Variants in ATP6V0A4 observed in about 807,000 individuals in gnomAD.
ATP6V0A4 encodes V-type proton ATPase 116 kDa subunit a 4.
In ATP6V0A4, 86 loss-of-function variants were observed where a neutral mutation model predicts 107.3. The ratio of observed to expected loss-of-function variants is 0.80; its 90% confidence interval spans 0.67 to 0.96. ATP6V0A4 has a LOEUF of 0.96. ATP6V0A4 is among the 40% of genes least tolerant of loss of function. The pLI is 0.00. For missense variants in ATP6V0A4, 908 were observed against 1,045.6 expected (o/e 0.87, Z 1.81); for synonymous variants, 353 against 381.4 (o/e 0.93, Z 0.87).
intron 6 of ATP6V0A4, 28 bp downstream of exon 6, chr7:138,762,872 C>G (rs1179620850): frequency 6.2e-7 from 1 of 1,612,546 alleles, no homozygotes; most frequent in African/African-American, 1.3e-5. Context: ...GGAACGGGCC[C>G]TTTAGTAACT....
At chr7:138,752,332 T>C (rs919954750) in intron 11 of ATP6V0A4, among the ~76,000 whole-genome samples, 3 of 150,616 alleles carry the variant, frequency 2.0e-5, no homozygotes, top group Admixed American at 1.3e-4. Context: ...ACTGTGCCAC[T>C]GCACAACAGC....
chr7:138,750,263 C>T (rs1418143266), intron 11 of ATP6V0A4, among the ~76,000 whole-genome samples: 1 of 151,292 alleles, frequency 6.6e-6, no homozygotes, highest in Admixed American at 6.6e-5. Context: ...TTTTCTTTTT[C>T]TTTTTTTTTC....
chr7:138,792,971 A>C (rs975555206), intron 1 of ATP6V0A4, among the ~76,000 whole-genome samples: 1 of 152,084 alleles, frequency 6.6e-6, no homozygotes, highest in African/African-American at 2.4e-5. Context: ...TATCAGACAA[A>C]GTAAAGTTTA....
chr7:138,757,059 C>T (rs1440583598), intron 8 of ATP6V0A4, among the ~76,000 whole-genome samples: 1 of 152,174 alleles, frequency 6.6e-6, no homozygotes, highest in Non-Finnish European at 1.5e-5. Flanking sequence ...AAGACTGCTG[C>T]TTAAATCACA....
chr7:138,780,277 G>T (rs924045296), intron 2 of ATP6V0A4, among the ~76,000 whole-genome samples: 1 of 152,162 alleles, frequency 6.6e-6, no homozygotes, highest in Admixed American at 6.6e-5. Context: ...AGATCACCAG[G>T]CATCAGATTT....
intron 1 of ATP6V0A4, among the ~76,000 whole-genome samples, chr7:138,794,505 A>G (rs779409021): frequency 6.6e-6 from 1 of 152,188 alleles, no homozygotes; most frequent in Non-Finnish European, 1.5e-5. Flanking sequence ...AAATCTTATC[A>G]GGGATAACAG....
At chr7:138,725,108 CA>C in intron 18 of ATP6V0A4, among the ~76,000 whole-genome samples, 1 of 151,918 alleles carries the variant, frequency 6.6e-6, no homozygotes, top group East Asian at 1.9e-4. Context: ...TCATCTCTAC[CA>C]AAAAAATTAA....
chr7:138,790,570 T>C (rs1030175008), intron 1 of ATP6V0A4, among the ~76,000 whole-genome samples: 2 of 152,202 alleles, frequency 1.3e-5, no homozygotes, highest in Non-Finnish European at 2.9e-5. Flanking sequence ...GCTGGGATTT[T>C]AGGTGTGAGC....
chr7:138,744,104 A>G (rs1014839026), intron 14 of ATP6V0A4, among the ~76,000 whole-genome samples: 1 of 152,128 alleles, frequency 6.6e-6, no homozygotes, highest in Non-Finnish European at 1.5e-5. Context: ...GACTGTGGGG[A>G]TTTAGAGAGC....
chr7:138,793,273 C>T lies in ATP6V0A4; in HGVS notation c.-121+4761G>A, dbSNP rs1298863990. Among the ~76,000 whole-genome samples the T allele has an allele frequency of 2.6e-5, 4 of 151,958 alleles. No homozygotes were observed. The South Asian group carries it at 6.2e-4, about 24-fold the overall frequency. On this transcript the variant is annotated intron_variant, in intron 1 of 21. Transcript: ENST00000310018. ...TCGTGCCACTGCATTCCAGCCTGGGCGACAGAGAGAGACTCCATCTCAAAA... is the reference window on the plus strand; with the variant it reads ...TCGTGCCACTGCATTCCAGCCTGGGTGACAGAGAGAGACTCCATCTCAAAA...
chr7:138,786,388 C>G (rs531036911), intron 1 of ATP6V0A4, 128 bp from the exon 2 acceptor site: 1 of 151,614 alleles, frequency 6.6e-6, no homozygotes, highest in Admixed American at 6.6e-5. Flanking sequence ...CTGAAACCAT[C>G]CTGGGCAACA....
Position 138,745,300 on chromosome 7 carries a change from G to C in ATP6V0A4, c.1321-20C>G. 6.2e-7 allele frequency: 1 copy of C among 1,613,762 alleles called. No homozygotes were observed. Among genetic ancestry groups the C allele is most frequent in the Non-Finnish European group, 8.5e-7 (1 of 1,179,948 alleles). ...CCAAATCTGGCCTCAGAGAGACAGA[G>C]AGGATGATTGTCAGTGGGCTCTGAA... On this transcript the variant is annotated intron_variant, in intron 13 of 21. Coordinates refer to ENST00000310018, the MANE Select transcript of ATP6V0A4 (RefSeq NM_020632.3).
At chr7:138,736,496 G>A (rs920951015) in intron 15 of ATP6V0A4, among the ~76,000 whole-genome samples, 6 of 152,114 alleles carry the variant, frequency 3.9e-5, no homozygotes, top group Non-Finnish European at 7.3e-5. Context: ...ATAAGACTCT[G>A]TTCTGGCAGT....
intron 1 of ATP6V0A4, among the ~76,000 whole-genome samples, chr7:138,793,853 A>G (rs1808536108): frequency 6.6e-6 from 1 of 152,186 alleles, no homozygotes; most frequent in African/African-American, 2.4e-5. Context: ...TGTCTGGACC[A>G]TAGCTGCACC....
At chr7:138,715,263 G>C (rs1386194976) in intron 20 of ATP6V0A4, among the ~76,000 whole-genome samples, 2 of 152,180 alleles carry the variant, frequency 1.3e-5, no homozygotes, top group Non-Finnish European at 1.5e-5. Flanking sequence ...GTGCAGTGAT[G>C]TGATCTCGGC....
At chr7:138,781,161 A>T (rs1440159359) in intron 2 of ATP6V0A4, among the ~76,000 whole-genome samples, 5 of 152,206 alleles carry the variant, frequency 3.3e-5, no homozygotes, top group African/African-American at 9.6e-5. Flanking sequence ...TAGAGAGTTG[A>T]TATTCCCCTG....
Position 138,752,754 on chromosome 7 carries a change from C to T in ATP6V0A4, c.900G>A (p.Gln300=), listed in dbSNP as rs1806296960. 2 of 1,614,110 alleles carry T rather than the reference C, an allele frequency of 1.2e-6. No homozygotes were observed. The highest frequency in any genetic ancestry group is 1.7e-6 in the Non-Finnish European group (2 of 1,180,048). ...GGATGTGGTAGACAGCTTTCATCTT[C>T]TGCACCTTGATGAGCCAGGAGTGCC... The part of the protein sequence containing the change: ...ANWHSWLIKV[Q]KMKAVYHILN... The change falls in exon 11 of 22, where the codon CAG becomes CAA. Residue 300 remains glutamine (Q), a synonymous_variant. Transcript: ENST00000310018.
At chr7:138,778,029 C>T (rs1470116818) in intron 2 of ATP6V0A4, among the ~76,000 whole-genome samples, 1 of 152,116 alleles carries the variant, frequency 6.6e-6, no homozygotes, top group African/African-American at 2.4e-5. Context: ...CATTCAGAGT[C>T]CTCAAGGGAA....
intron 12 of ATP6V0A4, among the ~76,000 whole-genome samples, chr7:138,748,017 A>G (rs563937375): frequency 6.6e-6 from 1 of 152,148 alleles, no homozygotes; most frequent in Admixed American, 6.5e-5. Flanking sequence ...CGGCCTCCCA[A>G]AGTGTTGGGA....
Sources: allele counts gnomAD v4.1 joint callset (sites outside exome capture counted in the v4.1 genomes callset), GRCh38; gene constraint gnomAD v4.1.1; transcripts MANE v1.5; gene names NCBI Gene and HGNC (gene_info 2026-07-23, HGNC 2026-07-21).